PEBP4: variants seen among roughly 807,000 people sequenced by gnomAD.
The protein encoded by PEBP4 is phosphatidylethanolamine-binding protein 4.
PEBP4 carries 22 observed loss-of-function variants against 23.9 expected under a neutral mutation model. That is an observed-to-expected ratio of 0.92 (90% CI 0.66 to 1.31). The LOEUF is 1.31. PEBP4 is among the 40% of genes most tolerant of loss of function. The pLI is 0.00. For missense variants in PEBP4, 324 were observed against 281.7 expected, an observed-to-expected ratio of 1.15 and a Z score of -1.07; for synonymous variants, 112 against 99.3, an observed-to-expected ratio of 1.13 and a Z score of -0.76.
chr8:22,866,471 C>G (rs1284688732), intron 3 of PEBP4, among the ~76,000 whole-genome samples: 1 of 152,142 alleles, frequency 6.6e-6, no homozygotes, highest in Non-Finnish European at 1.5e-5. Context: ...TGCTGTAAAC[C>G]ACACTGTTCT....
intron 3 of PEBP4, among the ~76,000 whole-genome samples, chr8:22,903,729 C>T (rs187364022): frequency 2.0e-5 from 3 of 152,332 alleles, no homozygotes; most frequent in East Asian, 3.9e-4. Context: ...CCTAGAGCTC[C>T]GAGAAGCATT....
intron 4 of PEBP4, among the ~76,000 whole-genome samples, chr8:22,803,749 T>C (rs1298961656): frequency 6.6e-6 from 1 of 152,172 alleles, no homozygotes; most frequent in Non-Finnish European, 1.5e-5. Context: ...CCCCCTTGTC[T>C]CCTCACCTGC....
At chr8:22,912,545 C>T (rs1808961414) in intron 3 of PEBP4, among the ~76,000 whole-genome samples, 1 of 152,230 alleles carries the variant, frequency 6.6e-6, no homozygotes, top group African/African-American at 2.4e-5. Context: ...GGCTGGTTCT[C>T]CCACTTCCCA....
At chr8:22,929,436 C>T (rs1355409472), upstream of PEBP4, among the ~76,000 whole-genome samples, 6 of 152,220 alleles carry the variant, frequency 3.9e-5, no homozygotes, top group Non-Finnish European at 8.8e-5. Flanking sequence ...ACAGTGATGG[C>T]GGCCTGGAAG....
chr8:22,940,490 C>CTTTTTTTTTTTTT lies in PEBP4; in HGVS notation c.145-12783_145-12771dup, dbSNP rs761722562. Reference sequence around the variant, plus strand: ...AACACCACCTTTACCATGAATTTCTCTTTTTTTTTTTTTTTCGAGACGGAG... The same window carrying CTTTTTTTTTTTTT: ...AACACCACCTTTACCATGAATTTCTCTTTTTTTTTTTTTTTTTTTTTTTTTTTTCGAGACGGAG... On this transcript the variant is annotated intron_variant, in intron 1 of 1. Transcript: ENST00000522278. Among the ~76,000 whole-genome samples, 8 of 110,022 alleles carry CTTTTTTTTTTTTT rather than the reference C, an allele frequency of 7.3e-5. 1 individual carries two copies. The highest frequency in any genetic ancestry group is 1.0e-4 in the Admixed American group (1 of 9,792). The allele number at this position is 110,022 out of a possible 152,430, so 72.2% of individuals were successfully genotyped here.
chr8:22,889,853 G>C (rs927392044), intron 3 of PEBP4, among the ~76,000 whole-genome samples: 26 of 152,214 alleles, frequency 1.7e-4, no homozygotes, highest in Admixed American at 1.3e-3. Context: ...CTGCAGGGAC[G>C]CCCTGCTCGG....
At chr8:22,727,823 C>A (rs74332182) in intron 4 of PEBP4, among the ~76,000 whole-genome samples, 4,285 of 152,276 alleles carry the variant, frequency 0.028, 106 homozygotes, top group Admixed American at 0.042. Flanking sequence ...GGGGCAGTTT[C>A]TTTGGCCACT....
intron 3 of PEBP4, among the ~76,000 whole-genome samples, chr8:22,834,763 T>C (rs1807165347): frequency 6.6e-6 from 1 of 152,224 alleles, no homozygotes; most frequent in Admixed American, 6.5e-5. Flanking sequence ...TCCTTCTTCC[T>C]GCCTGGAATG....
At chr8:22,774,798 T>G (rs969051097) in intron 4 of PEBP4, among the ~76,000 whole-genome samples, 1 of 152,206 alleles carries the variant, frequency 6.6e-6, no homozygotes, top group Non-Finnish European at 1.5e-5. Context: ...CCTCCTCTTG[T>G]CTGTCAGCGC....
intron 4 of PEBP4, among the ~76,000 whole-genome samples, chr8:22,745,262 G>T (rs55845554): frequency 0.018 from 2,781 of 152,286 alleles, 36 homozygotes; most frequent in Non-Finnish European, 0.027. Context: ...CGACTTAGGG[G>T]ACCCTGTGCA....
chr8:22,795,163 A>ATTTTTTTTTTTTTTTTTTTTTTTTT (rs33911395), intron 4 of PEBP4, among the ~76,000 whole-genome samples: 1 of 47,346 alleles, frequency 2.1e-5, no homozygotes, highest in Non-Finnish European at 3.4e-5. Context: ...ATATATATAT[A>ATTTTTTTTTTTTTTTTTTTTTTTTT]TTTTTTTTTT....
chr8:22,794,896 A>G (rs1332419004), intron 4 of PEBP4, among the ~76,000 whole-genome samples: 1 of 151,868 alleles, frequency 6.6e-6, no homozygotes, highest in East Asian at 1.9e-4. Context: ...ACTTACTTTG[A>G]TTATGGTCTG....
intron 4 of PEBP4, among the ~76,000 whole-genome samples, chr8:22,810,023 C>T (rs1236043021): frequency 6.6e-6 from 1 of 152,240 alleles, no homozygotes; most frequent in African/African-American, 2.4e-5. Context: ...AGTTCAAATT[C>T]TTAGAAAGTT....
At chr8:22,903,923 G>A (rs751942118) in intron 3 of PEBP4, among the ~76,000 whole-genome samples, 1 of 152,200 alleles carries the variant, frequency 6.6e-6, no homozygotes, top group Non-Finnish European at 1.5e-5. Context: ...AATGGTCAAG[G>A]CTCCAGCTGG....
intron 4 of PEBP4, among the ~76,000 whole-genome samples, chr8:22,811,239 G>T (rs1394569250): frequency 1.3e-5 from 2 of 152,126 alleles, no homozygotes; most frequent in African/African-American, 4.8e-5. Context: ...CAATTATGCT[G>T]CATTAGTCTA....
chr8:22,792,889 G>A (rs1250182418), intron 4 of PEBP4, among the ~76,000 whole-genome samples: 2 of 152,158 alleles, frequency 1.3e-5, no homozygotes, highest in Non-Finnish European at 2.9e-5. Context: ...GCTCCCGAAA[G>A]AAACCACAGA....
At chr8:22,803,689 A>AAAAT (rs1375742471) in intron 4 of PEBP4, among the ~76,000 whole-genome samples, 2 of 152,104 alleles carry the variant, frequency 1.3e-5, no homozygotes, top group Admixed American at 1.3e-4. Flanking sequence ...AAAATAAAAT[A>AAAAT]AAATAAAAGG....
chr8:22,731,615 TTTTATTTATTTA>T (rs756455154), intron 4 of PEBP4, among the ~76,000 whole-genome samples: 27 of 147,628 alleles, frequency 1.8e-4, no homozygotes, highest in Non-Finnish European at 2.5e-4. Context: ...GCCCTCATTG[TTTTATTTATTTA>T]TTTATTTATT....
chr8:22,747,027 G>GT (rs1805136637), intron 4 of PEBP4, among the ~76,000 whole-genome samples: 1 of 152,052 alleles, frequency 6.6e-6, no homozygotes, highest in Admixed American at 6.6e-5. Context: ...AGAGACGGGG[G>GT]TCTCAGCACA....
Sources: gnomAD v4.1 joint callset for allele counts (sites outside exome capture counted in the v4.1 genomes callset) on GRCh38, gnomAD v4.1.1 for gene constraint, MANE v1.5 for transcripts, NCBI Gene and HGNC (gene_info 2026-07-23, HGNC 2026-07-21) for gene names.